GPBP1: variants seen among roughly 807,000 people sequenced by gnomAD.
GPBP1 encodes vasculin.
In GPBP1, 13 loss-of-function variants were observed where a neutral mutation model predicts 56.5. The observed-to-expected ratio is 0.23, with a 90% CI of 0.15 to 0.37. The LOEUF is 0.37. Among genes scored for constraint, GPBP1 ranks in the 10% least tolerant of loss-of-function variants. The probability of loss-of-function intolerance (pLI) is 1.00; values close to 1 mark genes in which losing one functional copy is unlikely to be tolerated. For missense variants in GPBP1, 477 were observed against 572.3 expected, an observed-to-expected ratio of 0.83 and a Z score of 1.70; for synonymous variants, 204 against 188.9, an observed-to-expected ratio of 1.08 and a Z score of -0.66.
intron 3 of GPBP1, among the ~76,000 whole-genome samples, chr5:57,224,367 C>T (rs117707646): frequency 0.014 from 2,085 of 151,840 alleles, 116 homozygotes; most frequent in East Asian, 0.099. Flanking sequence ...TCCATCCTTC[C>T]GAGTAGCTGG....
At chr5:57,174,653 C>T (rs918831318) in intron 1 of GPBP1, among the ~76,000 whole-genome samples, 1 of 152,210 alleles carries the variant, frequency 6.6e-6, no homozygotes. Context: ...TCAGCTTTCC[C>T]CGCCTCTCCC....
rs1373355114 is a variant in GPBP1, at chr5:57,214,126, C to T, written c.-5C>T. On this transcript the variant is annotated 5_prime_UTR_variant, in exon 3 of 12. Coordinates refer to ENST00000506184, the MANE Select transcript of GPBP1 (RefSeq NM_022913.4). ...GTTTCACTGAGTTGGAGAGACTGGACCTAAATGGCGCAGCATGACTTTGCT... is the reference window on the plus strand; with the variant it reads ...GTTTCACTGAGTTGGAGAGACTGGATCTAAATGGCGCAGCATGACTTTGCT... 1 of 1,613,148 alleles carries T rather than the reference C, an allele frequency of 6.2e-7. No homozygotes were observed. Among genetic ancestry groups the T allele is most frequent in the Non-Finnish European group, 8.5e-7 (1 of 1,179,122 alleles).
intron 3 of GPBP1, among the ~76,000 whole-genome samples, chr5:57,227,404 G>C (rs530173706): frequency 1.3e-5 from 2 of 152,184 alleles, no homozygotes; most frequent in South Asian, 4.1e-4. Context: ...GTATTGACCA[G>C]GCTAGTCTCA....
chr5:57,193,886 C>T (rs1216870509), intron 2 of GPBP1, among the ~76,000 whole-genome samples: 1 of 152,132 alleles, frequency 6.6e-6, no homozygotes, highest in African/African-American at 2.4e-5. Context: ...ACACAAATTA[C>T]AAAAGGTGTA....
At chr5:57,246,004 A>T in intron 6 of GPBP1, 1 of 218,206 alleles carries the variant, frequency 4.6e-6, no homozygotes, top group Non-Finnish European at 8.9e-6. Flanking sequence ...TAGTTAATGC[A>T]AGGCATGTTA....
At chr5:57,246,884 TGTTCA>T (rs1444106688) in intron 7 of GPBP1, among the ~76,000 whole-genome samples, 186 bp from the exon 8 acceptor site, 1 of 152,216 alleles carries the variant, frequency 6.6e-6, no homozygotes, top group Non-Finnish European at 1.5e-5. Flanking sequence ...GATACCTAAA[TGTTCA>T]GTTTTTATTT....
Position 57,221,247 on chromosome 5 carries a change from T to A in GPBP1, c.63+7054T>A, listed in dbSNP as rs924202215. 3 of 612,586 alleles carry A rather than the reference T, an allele frequency of 4.9e-6. No homozygotes were observed. The African/African-American group carries it at 5.6e-5, about 11-fold the overall frequency. 37.9% of individuals were successfully genotyped at this position (612,586 alleles called of 1,614,324 possible). On this transcript the variant is annotated intron_variant, in intron 3 of 11. Coordinates refer to ENST00000506184, the MANE Select transcript of GPBP1 (RefSeq NM_022913.4). Reference sequence around the variant, plus strand: ...GAGAAGGATATTTTACACAGTCTTTTCATTTTCATGTATATGTAACAAATT... The same window carrying A: ...GAGAAGGATATTTTACACAGTCTTTACATTTTCATGTATATGTAACAAATT...
chr5:57,189,568 C>G (rs987297784), intron 2 of GPBP1, among the ~76,000 whole-genome samples: 3 of 150,110 alleles, frequency 2.0e-5, no homozygotes, highest in Non-Finnish European at 3.0e-5. Context: ...CACTTTTTTT[C>G]ACTTGAACTA....
At chr5:57,242,960 A>C (rs1043430639) in intron 6 of GPBP1, among the ~76,000 whole-genome samples, 1 of 152,012 alleles carries the variant, frequency 6.6e-6, no homozygotes, top group African/African-American at 2.4e-5. Context: ...CATGTTGGCC[A>C]GGCTGGTCTC....
rs1753768407 is a variant in GPBP1 at position 57,175,782 on chromosome 5, G to C, written c.-676G>C. The C allele has an allele frequency of 2.5e-6, 1 of 396,688 alleles. No homozygotes were observed. Among genetic ancestry groups the C allele is most frequent in the Middle Eastern group, 6.3e-4 (1 of 1,600 alleles). 24.6% of individuals were successfully genotyped at this position (396,688 alleles called of 1,614,324 possible). On this transcript the variant is annotated 5_prime_UTR_variant, in exon 2 of 12. Transcript: ENST00000506184. ...CCGAAACTGAGAGACGTTGATTTGT[G>C]TACTGAGTAGTTTCAGCAGTTTCAA...
intron 6 of GPBP1, among the ~76,000 whole-genome samples, chr5:57,240,373 T>C (rs1039195570): frequency 3.9e-5 from 6 of 152,210 alleles, no homozygotes; most frequent in African/African-American, 1.4e-4. Flanking sequence ...AATTAGTAAC[T>C]GGCATCAATG....
At chr5:57,185,032 C>G (rs964396011) in intron 2 of GPBP1, among the ~76,000 whole-genome samples, 4 of 152,152 alleles carry the variant, frequency 2.6e-5, no homozygotes, top group Admixed American at 2.6e-4. Flanking sequence ...TTCTCTCGTT[C>G]AGAGACATTT....
chr5:57,193,637 CTA>C (rs975755574), intron 2 of GPBP1, among the ~76,000 whole-genome samples: 1 of 107,834 alleles, frequency 9.3e-6, no homozygotes, highest in Admixed American at 9.8e-5. Flanking sequence ...AAAAAAAAAA[CTA>C]TGAAAAGTAT....
chr5:57,203,769 T>C (rs2111710589), intron 2 of GPBP1, among the ~76,000 whole-genome samples: 1 of 152,346 alleles, frequency 6.6e-6, no homozygotes, highest in South Asian at 2.1e-4. Context: ...GTTGGGACTT[T>C]CTAATAACCT....
chr5:57,249,361 T>C (rs963499719), intron 8 of GPBP1, 48 bp from the exon 9 acceptor site: 2 of 1,421,336 alleles, frequency 1.4e-6, no homozygotes, highest in East Asian at 2.3e-5. Flanking sequence ...TATGTTGACA[T>C]TGATTCCTTG....
At chr5:57,200,848 G>A (rs915001561) in intron 2 of GPBP1, among the ~76,000 whole-genome samples, 2 of 152,084 alleles carry the variant, frequency 1.3e-5, no homozygotes, top group African/African-American at 2.4e-5. Context: ...CGCGCGGCTA[G>A]TTTATATTTT....
In GPBP1 at chr5:57,185,258, CTTTT is replaced by C. The variant is rs747214276; in HGVS notation, c.-58+8874_-58+8877del. Among the ~76,000 whole-genome samples the C allele has an allele frequency of 2.6e-4, 34 of 128,658 alleles. No homozygotes were observed. The South Asian group carries it at 7.9e-3, about 30-fold the overall frequency. 84.4% of individuals were successfully genotyped at this position (128,658 alleles called of 152,430 possible). On this transcript the variant is annotated intron_variant, in intron 2 of 11. Transcript: ENST00000506184. ...TTTTGGCAACCATCTTTGGTTAGGT[CTTTT>C]TTTTTTTTTTTTTTTAAAGACAGAG...
chr5:57,183,765 A>ATTTTTTTT (rs34608817), intron 2 of GPBP1, among the ~76,000 whole-genome samples: 19 of 133,284 alleles, frequency 1.4e-4, no homozygotes, highest in Non-Finnish European at 1.6e-4. Context: ...GGGGATATGA[A>ATTTTTTTT]TTTTTTTTTT....
At chr5:57,192,561 C>G (rs953892336) in intron 2 of GPBP1, among the ~76,000 whole-genome samples, 4 of 151,818 alleles carry the variant, frequency 2.6e-5, no homozygotes, top group Non-Finnish European at 5.9e-5. Flanking sequence ...CGAGACCAGC[C>G]TGACCAACAT....
Sources: gnomAD v4.1 joint callset for allele counts (sites outside exome capture counted in the v4.1 genomes callset) on GRCh38, gnomAD v4.1.1 for gene constraint, MANE v1.5 for transcripts, NCBI Gene and HGNC (gene_info 2026-07-23, HGNC 2026-07-21) for gene names.